The following ARRB2 variants were observed in gnomAD, a reference collection of about 807,000 sequenced individuals.
ARRB2 encodes arrestin beta 2, also known as beta-arrestin-2.
Under a neutral mutation model 53.4 loss-of-function variants are expected in ARRB2, and 21 were observed. The ratio of observed to expected loss-of-function variants is 0.39; its 90% CI spans 0.28 to 0.57. The LOEUF (loss-of-function observed/expected upper bound fraction) is 0.57. ARRB2 is among the 20% of genes least tolerant of loss of function. The pLI is 0.55. For synonymous variants in ARRB2, 180 were observed against 212.9 expected, an observed-to-expected ratio of 0.85 and a Z score of 1.34; for missense variants, 369 against 527.5, an observed-to-expected ratio of 0.70 and a Z score of 2.94.
Position 4,721,177 on chromosome 17 carries a change from C to T in ARRB2, c.*138C>T. The T allele has an allele frequency of 2.5e-6, 2 of 808,326 alleles. No individual in the cohort carries two copies. Among genetic ancestry groups the T allele is most frequent in the Non-Finnish European group, 2.0e-6 (1 of 507,728 alleles). 50.1% of individuals were successfully genotyped at this position (808,326 alleles called of 1,614,324 possible). On this transcript the variant is annotated 3_prime_UTR_variant, in exon 15 of 15. Coordinates refer to ENST00000269260, the MANE Select transcript of ARRB2 (RefSeq NM_004313.4). This position sits in a 1 kb window ranked among gnomAD's most constrained non-coding sequence, Gnocchi z 4.2. ...GAAGCTTCTTCAACCAATCCCTTCA[C>T]ACTCTCTCCCCCATCCCCCCAAGAT...
chr17:4,714,630 G>A (rs907527202), intron 1 of ARRB2: 12 of 174,218 alleles, frequency 6.9e-5, no homozygotes, highest in African/African-American at 2.9e-4. Flanking sequence ...TTGCCACCAC[G>A]TTAGAAATAG....
intron 1 of ARRB2, among the ~76,000 whole-genome samples, chr17:4,713,790 C>CA (rs562386798): frequency 0.32 from 38,980 of 120,098 alleles, 5,952 homozygotes; most frequent in Middle Eastern, 0.52. Flanking sequence ...ACTCCATCTC[C>CA]AAAAAAAAAA....
At chr17:4,713,664 C>T (rs1914659459) in intron 1 of ARRB2, among the ~76,000 whole-genome samples, 1 of 150,050 alleles carries the variant, frequency 6.7e-6, no homozygotes, top group African/African-American at 2.5e-5. Flanking sequence ...ATGGCAGGCA[C>T]CTCTAATCCC....
rs188919227 is a variant in ARRB2, at chr17:4,719,391, C to T, written c.888C>T (p.His296=). 1.4e-4 allele frequency: 223 copies of T among 1,614,100 alleles called. 2 individuals carry two copies. In the East Asian group the frequency reaches 4.0e-3, roughly 29 times the overall value. Reference sequence around the variant, plus strand: ...TCGCCCTGGATGGGAAACTCAAGCACGAGGACACCAACCTGGCTTCCAGCA... The same window carrying T: ...TCGCCCTGGATGGGAAACTCAAGCATGAGGACACCAACCTGGCTTCCAGCA... ...RGLALDGKLK[H]EDTNLASSTI... Residue 296 remains histidine, a synonymous_variant, in exon 11 of 15, where the codon CAC becomes CAT. Coordinates refer to ENST00000269260, the MANE Select transcript of ARRB2 (RefSeq NM_004313.4).
In ARRB2 at chr17:4,716,098, A is replaced by G. The variant is rs376337984; in HGVS notation, c.116-49A>G. Reference sequence around the variant, plus strand: ...GGGAAGAAGTTCCCGGGCCCAGGAAAGCGGGGAGCGGCCCTTTCAGGAAGT... The same window carrying G: ...GGGAAGAAGTTCCCGGGCCCAGGAAGGCGGGGAGCGGCCCTTTCAGGAAGT... On this transcript the variant is annotated intron_variant, in intron 3 of 14. Transcript: ENST00000269260. 13 of 1,614,058 alleles carry G rather than the reference A, an allele frequency of 8.1e-6. No homozygotes were observed. The African/African-American group carries it at 1.3e-4, about 17-fold the overall frequency.
At chr17:4,714,321 C>G (rs574144590) in intron 1 of ARRB2, among the ~76,000 whole-genome samples, 1 of 152,054 alleles carries the variant, frequency 6.6e-6, no homozygotes, top group Admixed American at 6.5e-5. Flanking sequence ...TGAGTAGAGT[C>G]GAACTTGGGT....
intron 4 of ARRB2, 52 bp from the exon 5 acceptor site, chr17:4,716,360 G>A: frequency 3.1e-6 from 5 of 1,613,938 alleles, no homozygotes; most frequent in Non-Finnish European, 4.2e-6. Context: ...CTAGGTGCCA[G>A]GGGACTGGGG....
At chr17:4,715,568 GAC>G (rs112527658) in intron 2 of ARRB2, 4,221 of 213,912 alleles carry the variant, frequency 0.02, 1 homozygote, top group South Asian at 0.042. Flanking sequence ...CACACACACG[GAC>G]ACACACACAC....
chr17:4,717,175 G>A lies in ARRB2; in HGVS notation c.358-42G>A, dbSNP rs777689610. The stretch of plus-strand genomic sequence containing the variant: ...TTGAGATTTGGAGGAAGATCTGGGG[G>A]CTTTCTGGAAGAACTGAAGTCTTCT... On this transcript the variant is annotated intron_variant, in intron 5 of 14. Coordinates refer to ENST00000269260, the MANE Select transcript of ARRB2 (RefSeq NM_004313.4). This position sits in a 1 kb window ranked among gnomAD's most constrained non-coding sequence, Gnocchi z 6.0. The A allele has an allele frequency of 3.1e-6, 5 of 1,597,872 alleles. 1 individual carries two copies. The South Asian group carries it at 4.4e-5, about 14-fold the overall frequency.
rs775843326 is a variant in ARRB2 at position 4,721,015 on chromosome 17, C to T, written c.1206C>T (p.Asp402=). Residue 402 remains aspartate, a synonymous_variant, in exon 15 of 15, where the codon GAC becomes GAT. Transcript: ENST00000269260. This position sits in a 1 kb window ranked among gnomAD's most constrained non-coding sequence, Gnocchi z 4.2. ...TTCGGCTGAAGGGGATGAAGGATGA[C>T]GACTATGATGATCAACTCTGCTAGG... The part of the protein sequence containing the change: ...ARLRLKGMKD[D]DYDDQLC 7.1e-5 allele frequency: 115 copies of T among 1,613,736 alleles called. 1 individual carries two copies. Among genetic ancestry groups the T allele is most frequent in the South Asian group, 1.6e-4 (15 of 91,074 alleles).
chr17:4,715,492 C>G lies in ARRB2; in HGVS notation c.54+449C>G, dbSNP rs1597477799. The G allele has an allele frequency of 1.2e-5, 2 of 172,918 alleles. 1 individual carries two copies. The highest frequency in any genetic ancestry group is 1.2e-4 in the South Asian group (2 of 16,570). 10.7% of individuals were successfully genotyped at this position (172,918 alleles called of 1,614,324 possible). Reference sequence around the variant, plus strand: ...CCAAACACACACACACACAGACACACACACACATACACACATACACACACA... The same window carrying G: ...CCAAACACACACACACACAGACACAGACACACATACACACATACACACACA... On this transcript the variant is annotated intron_variant, in intron 2 of 14. Coordinates refer to ENST00000269260, the MANE Select transcript of ARRB2 (RefSeq NM_004313.4).
rs1915247212 is a variant in ARRB2, at chr17:4,717,946, C to T, written c.544C>T (p.Gln182Ter). ...VQFAPEKPGP[Q>*]PSAETTRHFL... Reference sequence around the variant, plus strand: ...GTTCGCCCCGGAGAAACCCGGCCCCCAGCCTTCAGCCGAAACCACACGCCA... The same window carrying T: ...GTTCGCCCCGGAGAAACCCGGCCCCTAGCCTTCAGCCGAAACCACACGCCA... Residue 182 changes from glutamine (Q) to a stop codon, truncating the protein, a stop_gained, in exon 8 of 15, where the codon CAG becomes TAG. Transcript: ENST00000269260. LOFTEE classifies it high-confidence loss of function. The surrounding 1 kb of genome is among the most constrained non-coding windows in gnomAD (Gnocchi z 6.0). 2 of 1,613,684 alleles carry T rather than the reference C, an allele frequency of 1.2e-6. No individual in the cohort carries two copies. Among genetic ancestry groups the T allele is most frequent in the African/African-American group, 1.3e-5 (1 of 74,938 alleles).
chr17:4,718,705 A>C (rs1915345075), intron 10 of ARRB2, 21 bp downstream of exon 10: 2 of 1,607,862 alleles, frequency 1.2e-6, no homozygotes, highest in Non-Finnish European at 1.7e-6. Flanking sequence ...GGAGAGACCC[A>C]TGTTCCAATC....
rs1915686461 is a variant in ARRB2 at position 4,721,473 on chromosome 17, A to G, written c.*434A>G. 1 of 375,206 alleles carries G rather than the reference A, an allele frequency of 2.7e-6. No individual in the cohort carries two copies. The highest frequency in any genetic ancestry group is 2.1e-5 in the African/African-American group (1 of 48,166). The allele number at this position is 375,206 out of a possible 1,614,324, so 23.2% of individuals were successfully genotyped here. On this transcript the variant is annotated 3_prime_UTR_variant, in exon 15 of 15. Coordinates refer to ENST00000269260, the MANE Select transcript of ARRB2 (RefSeq NM_004313.4). The surrounding 1 kb of genome is among the most constrained non-coding windows in gnomAD (Gnocchi z 4.2). ...CGTTTCTTTGTTTCTGAGCATAAAGAAGAAAATAAATCTTTTACTAAGCAT... is the reference window on the plus strand; with the variant it reads ...CGTTTCTTTGTTTCTGAGCATAAAGGAGAAAATAAATCTTTTACTAAGCAT...
chr17:4,719,247 C>T, intron 10 of ARRB2, 36 bp from the exon 11 acceptor site: 1 of 1,597,018 alleles, frequency 6.3e-7, no homozygotes, highest in Non-Finnish European at 8.6e-7. Context: ...CAGCCCAGCG[C>T]CCCTAAGCAT....
At chr17:4,713,609 C>T (rs1411398211) in intron 1 of ARRB2, among the ~76,000 whole-genome samples, 10 of 151,084 alleles carry the variant, frequency 6.6e-5, no homozygotes, top group African/African-American at 2.4e-4. Context: ...CCAGCCTGGG[C>T]GACAGAGTGA....
At chr17:4,720,559 C>G (rs1308456590) in intron 13 of ARRB2, 27 bp from the exon 14 acceptor site, 51 of 1,566,624 alleles carry the variant, frequency 3.3e-5, no homozygotes, top group Non-Finnish European at 4.4e-5. Context: ...GCACCCACCC[C>G]CACACCCCCT....
chr17:4,720,389 C>A lies in ARRB2; in HGVS notation c.1002-4C>A. On this transcript the variant is annotated splice_region_variant and splice_polypyrimidine_tract_variant and intron_variant, in intron 12 of 14. Transcript: ENST00000269260. ...CTCTTCACGATGCCTCTCCCCTTCC[C>A]CAGGGATGTCTCTGTGGAGCTGCCT... 1 of 1,613,852 alleles carries A rather than the reference C, an allele frequency of 6.2e-7. No individual in the cohort carries two copies. The highest frequency in any genetic ancestry group is 8.5e-7 in the Non-Finnish European group (1 of 1,179,904).
intron 1 of ARRB2, among the ~76,000 whole-genome samples, chr17:4,711,408 C>T (rs1914393555): frequency 6.6e-6 from 1 of 152,142 alleles, no homozygotes; most frequent in Admixed American, 6.5e-5. Context: ...ACTGATACCC[C>T]GAGTTCTCTT....
Sources: allele counts gnomAD v4.1 joint callset (sites outside exome capture counted in the v4.1 genomes callset), GRCh38; gene constraint gnomAD v4.1.1; non-coding constraint Gnocchi (gnomAD v3.1); transcripts MANE v1.5; gene names NCBI Gene and HGNC (gene_info 2026-07-23, HGNC 2026-07-21).